Variants in PPAT observed in about 807,000 individuals in gnomAD.
PPAT encodes the protein phosphoribosyl pyrophosphate amidotransferase.
Under a neutral mutation model 60.2 loss-of-function variants are expected in PPAT, and 20 were observed. That is an observed-to-expected ratio of 0.33 (90% CI 0.23 to 0.48). PPAT has a LOEUF of 0.48. Among genes scored for constraint, PPAT ranks in the 20% least tolerant of loss-of-function variants. PPAT has a pLI of 0.99. For missense variants in PPAT, 349 were observed against 629.6 expected (o/e 0.55, Z 4.77); for synonymous variants, 194 against 215.1 (o/e 0.90, Z 0.86).
At chr4:56,411,467 T>C (rs1328901224) in intron 1 of PPAT, among the ~76,000 whole-genome samples, 1 of 152,240 alleles carries the variant, frequency 6.6e-6, no homozygotes, top group African/African-American at 2.4e-5. Flanking sequence ...GAAGATTTAG[T>C]ACATGAAATG....
chr4:56,406,612 G>A lies in PPAT; in HGVS notation c.285C>T (p.Ala95=). 1 of 1,612,954 alleles carries A rather than the reference G, an allele frequency of 6.2e-7. No homozygotes were observed. Among genetic ancestry groups the A allele is most frequent in the Non-Finnish European group, 8.5e-7 (1 of 1,179,074 alleles). Residue 95 remains alanine, a synonymous_variant, in exon 3 of 11, where the codon GCC becomes GCT. Transcript: ENST00000264220. ...TTTCTAGTTCACATTTTCCTGTGGTGGCATACCTGGTGTGTCCAATTCCAA... is the reference window on the plus strand; with the variant it reads ...TTTCTAGTTCACATTTTCCTGTGGTAGCATACCTGGTGTGTCCAATTCCAA... ...SNLGIGHTRY[A]TTGKCELENC...
rs540988880 is a variant in PPAT, at chr4:56,435,510, G to A, written c.-33C>T. On this transcript the variant is annotated 5_prime_UTR_variant, in exon 1 of 11. Coordinates refer to ENST00000264220, the MANE Select transcript of PPAT (RefSeq NM_002703.5). ...CCGAAAGCACGTGGAAGGACCTGCC[G>A]CTGCGGCCAAGGTGTAAGCACCAAC... 1 of 1,612,486 alleles carries A rather than the reference G, an allele frequency of 6.2e-7. No individual in the cohort carries two copies. Among genetic ancestry groups the A allele is most frequent in the Non-Finnish European group, 8.5e-7 (1 of 1,179,910 alleles).
At chr4:56,427,384 T>C (rs2110065328) in intron 1 of PPAT, among the ~76,000 whole-genome samples, 1 of 152,326 alleles carries the variant, frequency 6.6e-6, no homozygotes, top group Middle Eastern at 3.4e-3. Flanking sequence ...TGGAATTGCT[T>C]GGTCATATGG....
chr4:56,426,019 T>A (rs1717264707), intron 1 of PPAT, among the ~76,000 whole-genome samples: 1 of 152,178 alleles, frequency 6.6e-6, no homozygotes. Flanking sequence ...TTCACCCAAC[T>A]AAAGCGTATA....
At chr4:56,422,516 T>A (rs928635155) in intron 1 of PPAT, 11 of 138,334 alleles carry the variant, frequency 8.0e-5, no homozygotes, top group Admixed American at 2.3e-4. Context: ...TGTGTGTGTG[T>A]GACAAAGTAT....
At chr4:56,425,452 C>T in intron 1 of PPAT, 1 of 885,708 alleles carries the variant, frequency 1.1e-6, no homozygotes, top group Non-Finnish European at 1.4e-6. Context: ...AAAGCTCAGA[C>T]ATAGGTATGC....
At position 56,394,619 on chromosome 4, in the gene PPAT, A is replaced by G. The variant is rs1364773643; in HGVS notation, c.*733T>C. 1.3e-5 allele frequency: 2 copies of G among 152,208 alleles called. No homozygotes were observed. The highest frequency in any genetic ancestry group is 2.1e-4 in the South Asian group (1 of 4,832). The allele number at this position is 152,208 out of a possible 1,614,324, so 9.4% of individuals were successfully genotyped here. Reference sequence around the variant, plus strand: ...CAACCCTTTTTAGGACATCTCAAAGAGAGATGGCAAAGATCTGCCAATTAT... The same window carrying G: ...CAACCCTTTTTAGGACATCTCAAAGGGAGATGGCAAAGATCTGCCAATTAT... On this transcript the variant is annotated 3_prime_UTR_variant, in exon 11 of 11. Coordinates refer to ENST00000264220, the MANE Select transcript of PPAT (RefSeq NM_002703.5).
At chr4:56,415,952 C>T (rs1716707598) in intron 1 of PPAT, among the ~76,000 whole-genome samples, 1 of 151,988 alleles carries the variant, frequency 6.6e-6, no homozygotes, top group Non-Finnish European at 1.5e-5. Flanking sequence ...TGCCTGTAAT[C>T]CCAGCTACTC....
intron 1 of PPAT, among the ~76,000 whole-genome samples, chr4:56,413,425 C>T (rs556472193): frequency 1.3e-5 from 2 of 152,070 alleles, no homozygotes; most frequent in East Asian, 3.9e-4. Context: ...AAAGTGCTGG[C>T]ATTACAGGCC....
intron 1 of PPAT, chr4:56,431,291 T>A (rs1023025101): frequency 4.5e-6 from 1 of 219,970 alleles, no homozygotes; most frequent in Non-Finnish European, 7.7e-6. Context: ...TCTCTGACAA[T>A]CAAATCCTGT....
At chr4:56,410,892 C>T in intron 1 of PPAT, 1 of 714,482 alleles carries the variant, frequency 1.4e-6, no homozygotes, top group Non-Finnish European at 1.6e-6. Flanking sequence ...CCAGAGACCA[C>T]TGAAGGTAAA....
Position 56,406,109 on chromosome 4 carries a change from G to A in PPAT, c.402+386C>T, listed in dbSNP as rs150019706. 2.1e-3 allele frequency among the ~76,000 whole-genome samples: 325 copies of A among 152,322 alleles called. 10 individuals are homozygous for A. In the South Asian group the frequency reaches 0.038, roughly 18 times the overall value. On this transcript the variant is annotated intron_variant, in intron 3 of 10. Transcript: ENST00000264220. ...CCCTATTTGGTGACAGAAGTGTGCT[G>A]AGTCTGAGAATAGGAAAAATGGCTT...
chr4:56,420,333 G>C (rs1716975558), intron 1 of PPAT: 1 of 152,182 alleles, frequency 6.6e-6, no homozygotes, highest in Admixed American at 6.5e-5. Flanking sequence ...ATGAGGTCAA[G>C]TGTATAATTT....
chr4:56,403,091 G>A lies in PPAT; in HGVS notation c.610C>T (p.Arg204Cys), dbSNP rs1447308985. 3 of 1,612,954 alleles carry A rather than the reference G, an allele frequency of 1.9e-6. No homozygotes were observed. The highest frequency in any genetic ancestry group is 1.1e-5 in the South Asian group (1 of 90,998). ...IYAVRDPYGNRPLCIGRLIPV... is the reference protein window; with the variant it reads ...IYAVRDPYGNCPLCIGRLIPV... Reference sequence around the variant, plus strand: ...ATAAGACGACCAATGCATAAGGGACGATTTCCATAAGGATCTCGTACTGCA... The same window carrying A: ...ATAAGACGACCAATGCATAAGGGACAATTTCCATAAGGATCTCGTACTGCA... Residue 204 changes from arginine to cysteine, a missense_variant, in exon 5 of 11, where the codon CGT becomes TGT. By Grantham distance (180) the Arg-to-Cys change is radical. This residue lies in a region of PPAT where 63 missense variants were observed against 86.9 expected (regional missense o/e 0.73). Transcript: ENST00000264220.
At chr4:56,410,670 T>A in intron 1 of PPAT, 2 of 986,054 alleles carry the variant, frequency 2.0e-6, no homozygotes, top group South Asian at 4.7e-5. Flanking sequence ...TCATTAGGAG[T>A]ATACAGAGAC....
chr4:56,423,370 C>T (rs1250638163), intron 1 of PPAT: 1 of 152,166 alleles, frequency 6.6e-6, no homozygotes, highest in Non-Finnish European at 1.5e-5. Flanking sequence ...TGCCTATAAT[C>T]CCAGCTTCTT....
chr4:56,400,443 A>G (rs1002376144), intron 8 of PPAT: 1 of 167,354 alleles, frequency 6.0e-6, no homozygotes, highest in African/African-American at 2.4e-5. Flanking sequence ...TAAAATGCAT[A>G]CACAGATTTG....
chr4:56,406,451 T>C (rs772990372), intron 3 of PPAT, 44 bp downstream of exon 3: 1 of 1,563,472 alleles, frequency 6.4e-7, no homozygotes. Context: ...TAACCCATCC[T>C]AATCATTTAA....
chr4:56,434,786 G>A (rs1717805818), intron 1 of PPAT, among the ~76,000 whole-genome samples: 1 of 152,182 alleles, frequency 6.6e-6, no homozygotes, highest in Non-Finnish European at 1.5e-5. Context: ...ACATCAACTA[G>A]TCATCTTTCC....
Sources: gnomAD v4.1 joint callset for allele counts (sites outside exome capture counted in the v4.1 genomes callset) on GRCh38, gnomAD v4.1.1 for gene constraint, gnomAD v4.1.1 regional missense constraint, MANE v1.5 for transcripts, NCBI Gene and HGNC (gene_info 2026-07-23, HGNC 2026-07-21) for gene names.